Variants in GULP1 observed in about 807,000 individuals in gnomAD.
GULP1 encodes the protein PTB domain-containing engulfment adapter protein 1.
GULP1 carries 19 observed loss-of-function variants against 40.9 expected under a neutral mutation model. The observed-to-expected ratio is 0.46, with a 90% CI of 0.32 to 0.68. The LOEUF is 0.68. Among genes scored for constraint, GULP1 ranks in the 30% least tolerant of loss-of-function variants. GULP1 has a pLI of 0.03. For missense variants in GULP1, 312 were observed against 362.2 expected (o/e 0.86, Z 1.12); for synonymous variants, 119 against 117.6 (o/e 1.01, Z -0.08).
At chr2:188,371,521 T>C (rs957281531) in intron 1 of GULP1, among the ~76,000 whole-genome samples, 2 of 152,102 alleles carry the variant, frequency 1.3e-5, no homozygotes, top group African/African-American at 4.8e-5. Flanking sequence ...TCAACGTTGA[T>C]TTTCTCTTTG....
chr2:188,408,501 G>A (rs2053437296), intron 2 of GULP1, among the ~76,000 whole-genome samples: 2 of 152,050 alleles, frequency 1.3e-5, no homozygotes, highest in Admixed American at 6.6e-5. Context: ...CCAAACAGTG[G>A]AGCACTTAAA....
intron 1 of GULP1, among the ~76,000 whole-genome samples, chr2:188,328,445 T>C (rs2152014257): frequency 6.6e-6 from 1 of 152,276 alleles, no homozygotes; most frequent in Middle Eastern, 3.4e-3. Flanking sequence ...CTTAATGCCA[T>C]ATTATCCTGG....
At chr2:188,552,152 G>A (rs1693630667) in intron 7 of GULP1, among the ~76,000 whole-genome samples, 1 of 151,522 alleles carries the variant, frequency 6.6e-6, no homozygotes, top group African/African-American at 2.4e-5. Context: ...TTATTTTTCT[G>A]TGTAGATGCT....
chr2:188,463,414 T>C (rs2152973149), intron 2 of GULP1, among the ~76,000 whole-genome samples: 1 of 152,312 alleles, frequency 6.6e-6, no homozygotes, highest in East Asian at 1.9e-4. Flanking sequence ...TGTTATTTGT[T>C]TCTTTTCTCT....
At chr2:188,501,323 C>G (rs1235269149) in intron 4 of GULP1, among the ~76,000 whole-genome samples, 1 of 151,834 alleles carries the variant, frequency 6.6e-6, no homozygotes, top group Non-Finnish European at 1.5e-5. Context: ...TCTCCTGCCT[C>G]CATGTAAGAC....
intron 7 of GULP1, among the ~76,000 whole-genome samples, chr2:188,562,640 G>A (rs929573928): frequency 6.6e-6 from 1 of 151,546 alleles, no homozygotes; most frequent in Non-Finnish European, 1.5e-5. Context: ...TAGAAAAAAA[G>A]TCAATAAAAG....
Position 188,410,403 on chromosome 2 carries a change from G to C in GULP1, c.-45+26514G>C, listed in dbSNP as rs1229830078. ...AAGGAAACAATCAACAAAGTGAAGA[G>C]ACAACCTATGGAACGGGAGAATGTA... On this transcript the variant is annotated intron_variant, in intron 2 of 11. Coordinates refer to ENST00000409830, the MANE Select transcript of GULP1 (RefSeq NM_016315.4). Among the ~76,000 whole-genome samples the C allele has an allele frequency of 1.1e-4, 16 of 152,102 alleles. No individual in the cohort carries two copies. The East Asian group carries it at 2.9e-3, about 27-fold the overall frequency.
intron 2 of GULP1, among the ~76,000 whole-genome samples, chr2:188,422,607 G>A (rs182289456): frequency 2.6e-4 from 40 of 151,710 alleles, no homozygotes; most frequent in African/African-American, 7.7e-4. Flanking sequence ...TTTATTATGT[G>A]CACATTTATT....
chr2:188,390,303 A>G (rs2050342096), intron 2 of GULP1, among the ~76,000 whole-genome samples: 1 of 152,108 alleles, frequency 6.6e-6, no homozygotes, highest in Non-Finnish European at 1.5e-5. Flanking sequence ...TGACTTTTTA[A>G]TAATAGCTAT....
chr2:188,576,250 A>T (rs933007602), intron 9 of GULP1, among the ~76,000 whole-genome samples: 1 of 142,720 alleles, frequency 7.0e-6, no homozygotes, highest in Admixed American at 6.9e-5. Flanking sequence ...TGCTTGAGTG[A>T]AAAAAAAAAG....
At chr2:188,578,452 G>A (rs752204613) in intron 9 of GULP1, among the ~76,000 whole-genome samples, 30 of 151,548 alleles carry the variant, frequency 2.0e-4, no homozygotes, top group Admixed American at 3.3e-4. Flanking sequence ...AGGTTGATAG[G>A]TGCAGCAAAC....
rs1175803390 is a variant in GULP1 at position 188,292,959 on chromosome 2, TTC to T, written c.-172+799_-172+800del. 6.6e-6 allele frequency: 1 copy of T among 152,344 alleles called. No homozygotes were observed. The highest frequency in any genetic ancestry group is 1.5e-5 in the Non-Finnish European group (1 of 68,122). 9.4% of individuals were successfully genotyped at this position (152,344 alleles called of 1,614,324 possible). On this transcript the variant is annotated intron_variant, in intron 1 of 11. Transcript: ENST00000409830. The surrounding 1 kb of genome is among the most constrained non-coding windows in gnomAD (Gnocchi z 4.0). ...ACGGATCAGAATCCGGAGCAGGCAG[TTC>T]TCTCTATTCTGAGGCTCCTGCGGCT...
intron 9 of GULP1, among the ~76,000 whole-genome samples, chr2:188,581,019 C>T (rs1003719943): frequency 1.3e-5 from 2 of 152,074 alleles, no homozygotes; most frequent in African/African-American, 4.8e-5. Flanking sequence ...GAGAAAGGTG[C>T]CCTCATCACA....
intron 4 of GULP1, among the ~76,000 whole-genome samples, chr2:188,504,821 G>T (rs915849570): frequency 3.6e-4 from 55 of 151,710 alleles, no homozygotes; most frequent in Non-Finnish European, 6.8e-4. Context: ...TTTTTTGTTT[G>T]TTTGTTATTT....
intron 9 of GULP1, among the ~76,000 whole-genome samples, chr2:188,570,942 G>A (rs1201607776): frequency 6.6e-6 from 1 of 152,046 alleles, no homozygotes; most frequent in Non-Finnish European, 1.5e-5. Context: ...CAGATCATTT[G>A]AGCCCAGGGG....
intron 2 of GULP1, among the ~76,000 whole-genome samples, chr2:188,431,201 A>G (rs899701240): frequency 6.6e-6 from 1 of 152,202 alleles, no homozygotes; most frequent in Non-Finnish European, 1.5e-5. Context: ...GGAGTACAGA[A>G]TTAAGTTATA....
At chr2:188,423,925 T>C (rs1465924645) in intron 2 of GULP1, among the ~76,000 whole-genome samples, 4 of 151,850 alleles carry the variant, frequency 2.6e-5, no homozygotes, top group African/African-American at 9.7e-5. Context: ...ACATACATAC[T>C]AGACATGAAT....
chr2:188,341,470 G>A (rs1371631330), intron 1 of GULP1, among the ~76,000 whole-genome samples: 2 of 151,922 alleles, frequency 1.3e-5, no homozygotes, highest in Non-Finnish European at 2.9e-5. Flanking sequence ...GATTGAGATG[G>A]GACAGTTATC....
At chr2:188,349,301 A>G (rs2044129200) in intron 1 of GULP1, among the ~76,000 whole-genome samples, 1 of 152,192 alleles carries the variant, frequency 6.6e-6, no homozygotes, top group Non-Finnish European at 1.5e-5. Flanking sequence ...CTCTATGTTT[A>G]ATATTTTGAG....
Sources: gnomAD v4.1 joint callset for allele counts (sites outside exome capture counted in the v4.1 genomes callset) on GRCh38, gnomAD v4.1.1 for gene constraint, Gnocchi (gnomAD v3.1) non-coding constraint, MANE v1.5 for transcripts, NCBI Gene and HGNC (gene_info 2026-07-23, HGNC 2026-07-21) for gene names.